PEDS1: variants seen among roughly 807,000 people sequenced by gnomAD.
The protein encoded by PEDS1 is CarF homolog.
Under a neutral mutation model 35.2 loss-of-function variants are expected in PEDS1, and 14 were observed. The ratio of observed to expected loss-of-function variants is 0.40; its 90% CI spans 0.26 to 0.62. The LOEUF is 0.62. Ranked by LOEUF, PEDS1 falls within the 20% of genes least tolerant of loss-of-function variation. The pLI is 0.44. For synonymous variants in PEDS1, 152 were observed against 152.0 expected (o/e 1.00, Z 0.00); for missense variants, 260 against 367.8 (o/e 0.71, Z 2.40).
intron 2 of PEDS1, among the ~76,000 whole-genome samples, chr20:50,143,234 T>C (rs1209348655): frequency 1.3e-5 from 2 of 152,130 alleles, no homozygotes; most frequent in East Asian, 3.9e-4. Flanking sequence ...CTCATGCAGT[T>C]TGAAAGTAGA....
rs1384165647 is a variant in PEDS1 at position 50,119,191 on chromosome 20, G to A, written c.*5867C>T. On this transcript the variant is annotated 3_prime_UTR_variant, in exon 6 of 6. Transcript: ENST00000371652. ...CAAGCCTGTAATCCCAGCAGTTTGG[G>A]AGTCTGAGGCAGGAGGATTGCTTGA... 6.6e-6 allele frequency: 1 copy of A among 152,080 alleles called. No individual in the cohort carries two copies. Among genetic ancestry groups the A allele is most frequent in the Non-Finnish European group, 1.5e-5 (1 of 68,012 alleles). The allele number at this position is 152,080 out of a possible 1,614,324, so 9.4% of individuals were successfully genotyped here.
Position 50,143,508 on chromosome 20 carries a change from C to A in PEDS1, c.235G>T (p.Gly79Cys). ...CAGTGCCTCGGGCACTCACCAACAC[C>A]GAGTATGACGAGGGGTGTGTCCTCC... is the stretch of plus-strand genomic sequence containing the variant. ...RWEDTPLVIL[G>C]VVAGALIADF... is the part of the protein sequence containing the mutation. The change falls in exon 2 of 6, where the codon GGT becomes TGT. Residue 79 changes from glycine to cysteine, a missense_variant. Gly to Cys is a radical substitution (Grantham distance 159). Around this residue, in one of 4 missense-constraint regions of PEDS1, gnomAD observed 114 missense variants for 121.6 expected, o/e 0.94. Transcript: ENST00000371652. 6.2e-7 allele frequency: 1 copy of A among 1,606,366 alleles called. No homozygotes were observed. Among genetic ancestry groups the A allele is most frequent in the Non-Finnish European group, 8.5e-7 (1 of 1,177,108 alleles).
In PEDS1 at chr20:50,147,488, A is replaced by G. The variant is rs566855032; in HGVS notation, c.122-3867T>C. 8.5e-5 allele frequency among the ~76,000 whole-genome samples: 13 copies of G among 152,272 alleles called. No individual in the cohort carries two copies. The East Asian group carries it at 2.3e-3, about 27-fold the overall frequency. On this transcript the variant is annotated intron_variant, in intron 1 of 5. Coordinates refer to ENST00000371652, the MANE Select transcript of PEDS1 (RefSeq NM_199129.4). ...CTGAGGCACAGTCTCTCATTCAAGT[A>G]TCAGCCCGTCAAGGAAGGAACTGAG...
At chr20:50,135,744 T>C (rs187235484) in intron 2 of PEDS1, among the ~76,000 whole-genome samples, 7 of 150,802 alleles carry the variant, frequency 4.6e-5, no homozygotes, top group African/African-American at 1.7e-4. Flanking sequence ...CCCTGTTCCA[T>C]GCAACCATAG....
chr20:50,134,875 G>A (rs745812357), intron 2 of PEDS1, among the ~76,000 whole-genome samples: 1 of 152,148 alleles, frequency 6.6e-6, no homozygotes, highest in Non-Finnish European at 1.5e-5. Context: ...TAAGAGGTTG[G>A]CAAACTTTCT....
intron 1 of PEDS1, among the ~76,000 whole-genome samples, chr20:50,146,703 C>T (rs376564190): frequency 6.6e-6 from 1 of 152,264 alleles, no homozygotes; most frequent in Non-Finnish European, 1.5e-5. Flanking sequence ...CGGAACACAC[C>T]AGGGTTACAT....
rs367690850 is a variant in PEDS1 at position 50,153,473 on chromosome 20, G to A, written c.121+44C>T. 1.1e-5 allele frequency: 14 copies of A among 1,298,456 alleles called. No individual in the cohort carries two copies. The African/African-American group carries it at 1.4e-4, about 13-fold the overall frequency. 80.4% of individuals were successfully genotyped at this position (1,298,456 alleles called of 1,614,324 possible). On this transcript the variant is annotated intron_variant, in intron 1 of 5. Transcript: ENST00000371652. ...CAGTCTGGGGTCGCTGTCCGCAGCC[G>A]GGGCTGGTGACCGCAGGCCTGGAGG...
At chr20:50,136,097 T>TA (rs1393741373) in intron 2 of PEDS1, among the ~76,000 whole-genome samples, 1 of 151,788 alleles carries the variant, frequency 6.6e-6, no homozygotes, top group Non-Finnish European at 1.5e-5. Flanking sequence ...ACTACTTTTT[T>TA]TAAAAAAAAA....
chr20:50,147,850 C>T (rs232735), intron 1 of PEDS1, among the ~76,000 whole-genome samples: 13 of 151,894 alleles, frequency 8.6e-5, no homozygotes, highest in African/African-American at 3.1e-4. Flanking sequence ...GTCAAGAGTT[C>T]GAGATCAGCC....
intron 1 of PEDS1, among the ~76,000 whole-genome samples, chr20:50,144,262 G>C (rs2081324694): frequency 6.6e-6 from 1 of 152,234 alleles, no homozygotes; most frequent in South Asian, 2.1e-4. Flanking sequence ...ACACCTAAGG[G>C]AACTTTAATG....
At chr20:50,130,990 C>A (rs1253596825) in intron 2 of PEDS1, 43 bp from the exon 3 acceptor site, 2 of 1,614,124 alleles carry the variant, frequency 1.2e-6, no homozygotes, top group Non-Finnish European at 1.7e-6. Flanking sequence ...CTGCACCCCC[C>A]CAATCAGAAT....
intron 2 of PEDS1, among the ~76,000 whole-genome samples, chr20:50,131,459 T>TA (rs1380237463): frequency 3.9e-5 from 6 of 151,998 alleles, no homozygotes; most frequent in African/African-American, 1.4e-4. Context: ...CCGTCTCTAC[T>TA]AAAATCACAA....
At chr20:50,139,085 G>A (rs1430087212) in intron 2 of PEDS1, among the ~76,000 whole-genome samples, 4 of 152,082 alleles carry the variant, frequency 2.6e-5, no homozygotes, top group Admixed American at 1.3e-4. Flanking sequence ...TGTCTCTACC[G>A]CCTTCCAGCT....
rs895226056 is a variant in PEDS1, at chr20:50,128,578, A to G, written c.479-391T>C. ...GATGCCTTCACCCAGGTTCCCTAGA[A>G]GCGGAGCCTGAAACAGGTTCTTGTG... is the stretch of plus-strand genomic sequence containing the variant. On this transcript the variant is annotated intron_variant, in intron 4 of 5. Coordinates refer to ENST00000371652, the MANE Select transcript of PEDS1 (RefSeq NM_199129.4). The surrounding 1 kb of genome is among the most constrained non-coding windows in gnomAD (Gnocchi z 5.2). Among the ~76,000 whole-genome samples the G allele has an allele frequency of 2.6e-5, 4 of 152,190 alleles. No homozygotes were observed. The highest frequency in any genetic ancestry group is 2.9e-5 in the Non-Finnish European group (2 of 68,034).
At chr20:50,138,937 C>T (rs976312660) in intron 2 of PEDS1, among the ~76,000 whole-genome samples, 5 of 152,182 alleles carry the variant, frequency 3.3e-5, no homozygotes, top group African/African-American at 1.2e-4. Flanking sequence ...TCCATTTCCC[C>T]AGAGGTCACC....
At chr20:50,142,350 AGTTGGGAGAGAT>A (rs1028281951) in intron 2 of PEDS1, among the ~76,000 whole-genome samples, 5 of 152,310 alleles carry the variant, frequency 3.3e-5, no homozygotes, top group South Asian at 2.1e-4. Flanking sequence ...CTGGCATTTG[AGTTGGGAGAGAT>A]GTTGGGAGAG....
intron 2 of PEDS1, among the ~76,000 whole-genome samples, chr20:50,139,926 G>A (rs564027162): frequency 4.6e-5 from 7 of 151,938 alleles, no homozygotes; most frequent in African/African-American, 9.6e-5. Context: ...ATGCCCGGCC[G>A]GACCCCCAGA....
intron 5 of PEDS1, among the ~76,000 whole-genome samples, chr20:50,127,601 C>T (rs558997100): frequency 6.6e-6 from 1 of 152,316 alleles, no homozygotes; most frequent in African/African-American, 2.4e-5. Context: ...CCGCCTTGGC[C>T]TCCCAAAGTG....
Position 50,144,836 on chromosome 20 carries a change from C to T in PEDS1, c.122-1215G>A, listed in dbSNP as rs143237741. On this transcript the variant is annotated intron_variant, in intron 1 of 5. Transcript: ENST00000371652. ...AAAAAAAAATCTATATAGTTAAGAC[C>T]GGCTTTTCCCTTATTTCCTTTTAAA... 1.7e-3 allele frequency among the ~76,000 whole-genome samples: 261 copies of T among 152,208 alleles called. 2 individuals carry two copies. The highest frequency in any genetic ancestry group is 5.9e-3 in the African/African-American group (243 of 41,534).
Sources: allele counts gnomAD v4.1 joint callset (sites outside exome capture counted in the v4.1 genomes callset), GRCh38; gene constraint gnomAD v4.1.1; regional missense constraint gnomAD v4.1.1; non-coding constraint Gnocchi (gnomAD v3.1); transcripts MANE v1.5; gene names NCBI Gene and HGNC (gene_info 2026-07-23, HGNC 2026-07-21).